ERBB4: variants seen among roughly 807,000 people sequenced by gnomAD.
The protein encoded by ERBB4 is receptor tyrosine-protein kinase erbB-4.
A neutral mutation model predicts 158.0 loss-of-function variants in ERBB4; 42 were observed. The observed-to-expected ratio is 0.27, with a 90% confidence interval of 0.21 to 0.34. The LOEUF (loss-of-function observed/expected upper bound fraction) is 0.34. Among genes scored for constraint, ERBB4 ranks in the 10% least tolerant of loss-of-function variants. ERBB4 has a pLI of 1.00. For synonymous variants in ERBB4, 583 were observed against 558.7 expected (o/e 1.04, Z -0.61); for missense variants, 1,333 against 1,624.1 (o/e 0.82, Z 3.08).
At chr2:212,434,852 G>T (rs1489019131) in intron 1 of ERBB4, among the ~76,000 whole-genome samples, 1 of 151,904 alleles carries the variant, frequency 6.6e-6, no homozygotes, top group Non-Finnish European at 1.5e-5. Context: ...CTGCCTATTG[G>T]ATAAAAATGT....
intron 19 of ERBB4, among the ~76,000 whole-genome samples, chr2:211,570,142 GTTTT>G (rs1386193505): frequency 6.6e-6 from 1 of 151,738 alleles, no homozygotes; most frequent in Admixed American, 6.6e-5. Flanking sequence ...TTATTTTTGT[GTTTT>G]TTATGTTTTA....
intron 2 of ERBB4, among the ~76,000 whole-genome samples, chr2:212,122,082 C>T (rs1162132211): frequency 6.6e-6 from 1 of 150,650 alleles, no homozygotes. Context: ...CATACATACA[C>T]ACACCCCACA....
intron 1 of ERBB4, among the ~76,000 whole-genome samples, chr2:212,274,945 C>T (rs1041230611): frequency 7.9e-5 from 12 of 151,804 alleles, no homozygotes; most frequent in Non-Finnish European, 1.8e-4. Context: ...CCAGCAGGCC[C>T]CACTGTGTGA....
At chr2:212,332,422 A>G (rs374535559) in intron 1 of ERBB4, among the ~76,000 whole-genome samples, 103 of 152,210 alleles carry the variant, frequency 6.8e-4, no homozygotes, top group Middle Eastern at 6.8e-3. Flanking sequence ...AAACAGACCA[A>G]TACAGTAGTA....
At chr2:211,654,303 A>G (rs6730119) in intron 16 of ERBB4, among the ~76,000 whole-genome samples, 85,977 of 152,070 alleles carry the variant, frequency 0.57, 25,024 homozygotes, top group Middle Eastern at 0.66. Flanking sequence ...CTCACAAGTC[A>G]ATTGATTCTG....
intron 1 of ERBB4, among the ~76,000 whole-genome samples, chr2:212,200,528 G>C (rs1356104427): frequency 1.3e-5 from 2 of 152,076 alleles, no homozygotes; most frequent in African/African-American, 2.4e-5. Flanking sequence ...TTACATCATA[G>C]ATTTATTATA....
intron 1 of ERBB4, among the ~76,000 whole-genome samples, chr2:212,303,874 T>C (rs1012471495): frequency 5.9e-5 from 9 of 151,480 alleles, no homozygotes; most frequent in African/African-American, 2.2e-4. Flanking sequence ...AAATATCTTT[T>C]GAAATGGACT....
At chr2:212,163,142 C>T (rs2125652454) in intron 1 of ERBB4, among the ~76,000 whole-genome samples, 1 of 151,916 alleles carries the variant, frequency 6.6e-6, no homozygotes, top group Middle Eastern at 3.4e-3. Flanking sequence ...TTGCTTTGTA[C>T]CTTCCTGTCC....
intron 20 of ERBB4, among the ~76,000 whole-genome samples, chr2:211,505,724 G>A (rs2065729494): frequency 6.6e-6 from 1 of 152,124 alleles, no homozygotes; most frequent in Non-Finnish European, 1.5e-5. Flanking sequence ...ACTTTGGGAG[G>A]CAGAGGCGGG....
At chr2:211,568,325 C>A (rs1056145180) in intron 19 of ERBB4, among the ~76,000 whole-genome samples, 8 of 152,054 alleles carry the variant, frequency 5.3e-5, no homozygotes, top group African/African-American at 1.9e-4. Context: ...AGCTCTGAAG[C>A]ATGTATGTCA....
intron 19 of ERBB4, among the ~76,000 whole-genome samples, chr2:211,572,241 G>T (rs775303487): frequency 2.6e-5 from 4 of 152,212 alleles, no homozygotes; most frequent in African/African-American, 4.8e-5. Flanking sequence ...ACATAGAGTC[G>T]TAACATTGCA....
At chr2:211,480,468 C>T (rs2065054773) in intron 20 of ERBB4, among the ~76,000 whole-genome samples, 1 of 152,082 alleles carries the variant, frequency 6.6e-6, no homozygotes. Context: ...TTGCTCCCTC[C>T]CCTGCCACCA....
intron 3 of ERBB4, among the ~76,000 whole-genome samples, chr2:211,798,287 C>T (rs1220383984): frequency 1.3e-5 from 2 of 152,006 alleles, no homozygotes; most frequent in Non-Finnish European, 2.9e-5. Context: ...TATCTTCTTT[C>T]CCTGAAAATA....
intron 20 of ERBB4, among the ~76,000 whole-genome samples, chr2:211,436,699 G>A (rs1191871124): frequency 6.6e-6 from 1 of 152,128 alleles, no homozygotes; most frequent in African/African-American, 2.4e-5. Context: ...CACAATGGGT[G>A]TTTAATAAGT....
At chr2:212,392,345 G>A (rs933199202) in intron 1 of ERBB4, among the ~76,000 whole-genome samples, 11 of 151,908 alleles carry the variant, frequency 7.2e-5, no homozygotes, top group African/African-American at 2.7e-4. Context: ...AAAATGGCAA[G>A]AGGGAAATGT....
intron 20 of ERBB4, among the ~76,000 whole-genome samples, chr2:211,517,381 A>G (rs7608189): frequency 0.16 from 23,769 of 152,088 alleles, 2,024 homozygotes; most frequent in South Asian, 0.23. Flanking sequence ...TTGCACTTCT[A>G]TGAATCAATT....
intron 3 of ERBB4, among the ~76,000 whole-genome samples, chr2:211,886,574 G>C (rs1270352633): frequency 2.0e-5 from 3 of 152,048 alleles, no homozygotes; most frequent in Non-Finnish European, 4.4e-5. Context: ...TAAAACATAT[G>C]GGAAAAGAAA....
chr2:211,779,208 C>A (rs1575136367), intron 4 of ERBB4: 2 of 152,184 alleles, frequency 1.3e-5, no homozygotes, highest in Non-Finnish European at 2.9e-5. Context: ...ATTAGCTACC[C>A]TGCATGGCGG....
intron 20 of ERBB4, among the ~76,000 whole-genome samples, chr2:211,508,675 A>G (rs944362835): frequency 6.6e-6 from 1 of 152,182 alleles, no homozygotes; most frequent in Non-Finnish European, 1.5e-5. Flanking sequence ...TCACATGCAC[A>G]CATATGTGTA....
Sources: allele counts gnomAD v4.1 joint callset (sites outside exome capture counted in the v4.1 genomes callset), GRCh38; gene constraint gnomAD v4.1.1; transcripts MANE v1.5; gene names NCBI Gene and HGNC (gene_info 2026-07-23, HGNC 2026-07-21).